The following CSDE1 variants were observed in gnomAD, a reference collection of about 807,000 sequenced individuals.
The protein encoded by CSDE1 is cold shock domain containing E1.
Under a neutral mutation model 89.3 loss-of-function variants are expected in CSDE1, and 17 were observed. The observed-to-expected ratio is 0.19, with a 90% confidence interval of 0.13 to 0.29. The LOEUF (loss-of-function observed/expected upper bound fraction) is 0.29, where lower values mean the gene tolerates loss of function less well. CSDE1 is among the 10% of genes least tolerant of loss of function. The probability of loss-of-function intolerance (pLI) is 1.00; values close to 1 mark genes in which losing one functional copy is unlikely to be tolerated. For missense variants in CSDE1, 672 were observed against 984.2 expected (o/e 0.68, Z 4.24); for synonymous variants, 322 against 332.8 (o/e 0.97, Z 0.35).
intron 14 of CSDE1, 58 bp from the exon 15 acceptor site, chr1:114,725,391 G>C (rs1440387480): frequency 9.2e-6 from 12 of 1,304,568 alleles, no homozygotes; most frequent in Non-Finnish European, 1.3e-5. Flanking sequence ...AACAGTAACA[G>C]GCAGTCTTTA....
chr1:114,732,709 A>C lies in CSDE1; in HGVS notation c.945T>G (p.His315Gln), dbSNP rs1660170321. The C allele has an allele frequency of 6.2e-7, 1 of 1,614,056 alleles. No individual in the cohort carries two copies. The highest frequency in any genetic ancestry group is 2.2e-5 in the East Asian group (1 of 44,866). The change falls in exon 10 of 20, where the codon CAT (histidine) becomes CAG (glutamine). Residue 315 changes from histidine to glutamine, a missense_variant. Physicochemically the swap from His to Gln is conservative, Grantham distance 24 (BLOSUM62 0). This residue lies in a region of CSDE1 where 169 missense variants were observed against 262.9 expected (regional missense o/e 0.64). Coordinates refer to ENST00000358528, the MANE Select transcript of CSDE1 (RefSeq NM_001007553.3). ...GGTCTGTTGAAATATTAAACCTAAC[A>C]TGGTCACCTTCCAGCAGGGTCACCT... ...KSKVTLLEGDHVRFNISTDRR... is the reference protein window; with the variant it reads ...KSKVTLLEGDQVRFNISTDRR...
intron 4 of CSDE1, 121 bp from the exon 5 acceptor site, chr1:114,737,684 CA>C (rs560297009): frequency 2.6e-6 from 2 of 762,918 alleles, no homozygotes; most frequent in South Asian, 3.6e-5. Flanking sequence ...ATATGATCCA[CA>C]AGAGGATGTC....
chr1:114,740,325 C>T (rs1660651660), intron 2 of CSDE1, among the ~76,000 whole-genome samples: 1 of 152,098 alleles, frequency 6.6e-6, no homozygotes, highest in South Asian at 2.1e-4. Context: ...TACCTTAATA[C>T]TGTTTAGTAA....
At chr1:114,752,240 A>AAAAAC (rs943385452) in intron 1 of CSDE1, among the ~76,000 whole-genome samples, 34 of 152,184 alleles carry the variant, frequency 2.2e-4, no homozygotes, top group African/African-American at 8.2e-4. Context: ...CCTTGTCTCA[A>AAAAAC]AAAACAAAAC....
At chr1:114,726,841 AAATAC>A in intron 13 of CSDE1, 137 bp downstream of exon 13, 1 of 583,206 alleles carries the variant, frequency 1.7e-6, no homozygotes, top group Non-Finnish European at 3.0e-6. Flanking sequence ...AGCTGCTTTC[AAATAC>A]AAGATATTCA....
At chr1:114,756,922 G>A (rs1182841519) in intron 1 of CSDE1, 1 of 152,190 alleles carries the variant, frequency 6.6e-6, no homozygotes, top group Non-Finnish European at 1.5e-5. Context: ...CTAAGATTTC[G>A]TATTGATAAA....
intron 14 of CSDE1, among the ~76,000 whole-genome samples, chr1:114,725,826 G>A (rs1659761036): frequency 6.6e-6 from 1 of 152,122 alleles, no homozygotes; most frequent in Admixed American, 6.5e-5. Flanking sequence ...TGTGGAGATG[G>A]AGTTTCACCG....
chr1:114,718,337 C>A, intron 19 of CSDE1, 121 bp from the exon 20 acceptor site: 1 of 1,193,818 alleles, frequency 8.4e-7, no homozygotes, highest in Non-Finnish European at 1.2e-6. Context: ...TTATGCAGTA[C>A]TAATTCTTTC....
At chr1:114,755,045 CTTAT>C (rs1412467561) in intron 1 of CSDE1, among the ~76,000 whole-genome samples, 1 of 152,204 alleles carries the variant, frequency 6.6e-6, no homozygotes, top group African/African-American at 2.4e-5. Context: ...AATTAAACGT[CTTAT>C]TTAACCAATT....
rs1660110923 is a variant in CSDE1 at position 114,731,728 on chromosome 1, G to T, written c.1050+876C>A. Among the ~76,000 whole-genome samples the T allele has an allele frequency of 2.0e-5, 3 of 152,196 alleles. No homozygotes were observed. In the South Asian group the frequency reaches 6.2e-4, roughly 31 times the overall value. ...AAACCTTTTTGACTCTGGTTTAATTGCAAGCTTGTCCAAACCATGGCCTAG... is the reference window on the plus strand; with the variant it reads ...AAACCTTTTTGACTCTGGTTTAATTTCAAGCTTGTCCAAACCATGGCCTAG... On this transcript the variant is annotated intron_variant, in intron 10 of 19. Coordinates refer to ENST00000358528, the MANE Select transcript of CSDE1 (RefSeq NM_001007553.3).
At position 114,733,810 on chromosome 1, in the gene CSDE1, G is replaced by T. The variant is rs1287396433; in HGVS notation, c.759C>A (p.Val253=). Residue 253 remains valine (V), a synonymous_variant, in exon 9 of 20, where the codon GTC becomes GTA. Transcript: ENST00000358528. ...TDVRLLPQGT[V]IFEDISIEHF... is the part of the protein sequence containing the mutation. ...GTTCAATGCTGATATCTTCAAAAATGACTGTTCCTTGAGGCAATAGTCTGA... is the reference window on the plus strand; with the variant it reads ...GTTCAATGCTGATATCTTCAAAAATTACTGTTCCTTGAGGCAATAGTCTGA... 2 of 1,613,778 alleles carry T rather than the reference G, an allele frequency of 1.2e-6. No homozygotes were observed. The highest frequency in any genetic ancestry group is 2.7e-5 in the African/African-American group (2 of 74,894).
intron 16 of CSDE1, among the ~76,000 whole-genome samples, chr1:114,721,117 T>G (rs969423969): frequency 2.6e-5 from 4 of 152,224 alleles, no homozygotes; most frequent in African/African-American, 9.6e-5. Flanking sequence ...AATGAGCCAG[T>G]AAACAACTAG....
At chr1:114,727,132 G>C in intron 12 of CSDE1, 42 bp from the exon 13 acceptor site, 2 of 1,398,278 alleles carry the variant, frequency 1.4e-6, no homozygotes, top group Non-Finnish European at 2.0e-6. Flanking sequence ...ACAATCTCAA[G>C]AACAAAAACC....
chr1:114,747,480 A>T lies in CSDE1; in HGVS notation c.-1+2341T>A, dbSNP rs144948645. ...TATTAAAATGTTCATGTAGTAAACT[A>T]ATATTCAGAATACAAAGATTACACT... On this transcript the variant is annotated intron_variant, in intron 2 of 19. Transcript: ENST00000358528. Among the ~76,000 whole-genome samples the T allele has an allele frequency of 2.9e-4, 44 of 152,384 alleles. No individual in the cohort carries two copies. The East Asian group carries it at 6.7e-3, about 23-fold the overall frequency.
In CSDE1 at chr1:114,726,603, A is replaced by G. The variant is rs552895843; in HGVS notation, c.1465-217T>C. On this transcript the variant is annotated intron_variant, in intron 13 of 19. Transcript: ENST00000358528. ...ATCTTTCAGTCTGTATTCCTTATAGATTCTGAATTTCTCTAGAGGGCTATC... is the reference window on the plus strand; with the variant it reads ...ATCTTTCAGTCTGTATTCCTTATAGGTTCTGAATTTCTCTAGAGGGCTATC... 1.2e-4 allele frequency among the ~76,000 whole-genome samples: 18 copies of G among 152,360 alleles called. No individual in the cohort carries two copies. In the South Asian group the frequency reaches 3.7e-3, roughly 32 times the overall value.
intron 1 of CSDE1, among the ~76,000 whole-genome samples, chr1:114,754,822 CTGAGA>C (rs762619643): frequency 6.6e-6 from 1 of 152,332 alleles, no homozygotes. Context: ...TAAACAGCTA[CTGAGA>C]TATTTAAAAT....
chr1:114,728,642 T>C (rs1447458807), intron 12 of CSDE1, among the ~76,000 whole-genome samples: 1 of 152,226 alleles, frequency 6.6e-6, no homozygotes, highest in Admixed American at 6.5e-5. Flanking sequence ...TTAAAAGTTA[T>C]TAAAAATAAG....
At chr1:114,751,309 A>G (rs1187197645) in intron 1 of CSDE1, among the ~76,000 whole-genome samples, 1 of 152,246 alleles carries the variant, frequency 6.6e-6, no homozygotes, top group Non-Finnish European at 1.5e-5. Flanking sequence ...AAATGGTGTT[A>G]ACGAAAATTA....
At chr1:114,724,236 T>C (rs1194980315) in intron 15 of CSDE1, 1 of 333,080 alleles carries the variant, frequency 3.0e-6, no homozygotes, top group Admixed American at 4.5e-5. Context: ...TAAATAAAAT[T>C]GTTTAAGGAA....
Sources: allele counts gnomAD v4.1 joint callset (sites outside exome capture counted in the v4.1 genomes callset), GRCh38; gene constraint gnomAD v4.1.1; regional missense constraint gnomAD v4.1.1; transcripts MANE v1.5; gene names NCBI Gene and HGNC (gene_info 2026-07-23, HGNC 2026-07-21).